CDK12: variants seen among roughly 807,000 people sequenced by gnomAD.
The protein encoded by CDK12 is cyclin dependent kinase 12, also known as cyclin-dependent kinase 12.
In CDK12, 17 loss-of-function variants were observed where a neutral mutation model predicts 133.8. The ratio of observed to expected loss-of-function variants is 0.13; its 90% CI spans 0.09 to 0.19. The LOEUF is 0.19. Ranked by LOEUF, CDK12 falls within the 10% of genes least tolerant of loss-of-function variation. The pLI, the probability that CDK12 is intolerant of heterozygous loss-of-function variation, is 1.00. For missense variants in CDK12, 1,508 were observed against 1,818.7 expected (o/e 0.83, Z 3.11); for synonymous variants, 694 against 683.6 (o/e 1.02, Z -0.24).
At position 39,471,097 on chromosome 17, in the gene CDK12, G is replaced by T; in HGVS notation, c.1265G>T (p.Gly422Val). Residue 422 changes from glycine to valine, a missense_variant, in exon 2 of 14, where the codon GGT (glycine) becomes GTT (valine). Transcript: ENST00000447079. ...AAKMDGKESK[G>V]SPVFLPRKEN... Reference sequence around the variant, plus strand: ...AAGATGGATGGAAAGGAGTCCAAGGGTTCACCTGTATTTTTGCCTAGAAAA... The same window carrying T: ...AAGATGGATGGAAAGGAGTCCAAGGTTTCACCTGTATTTTTGCCTAGAAAA... 2.5e-6 allele frequency: 4 copies of T among 1,610,856 alleles called. No individual in the cohort carries two copies. Among genetic ancestry groups the T allele is most frequent in the Non-Finnish European group, 8.5e-7 (1 of 1,179,158 alleles).
chr17:39,475,083 C>T (rs1348063362), intron 2 of CDK12, among the ~76,000 whole-genome samples: 1 of 151,996 alleles, frequency 6.6e-6, no homozygotes, highest in Non-Finnish European at 1.5e-5. Flanking sequence ...GATTCTCCCA[C>T]CTGGGCCTTC....
At chr17:39,567,205 C>G (rs922905526), downstream of CDK12, 4 of 152,174 alleles carry the variant, frequency 2.6e-5, no homozygotes, top group Non-Finnish European at 5.9e-5. Flanking sequence ...ACCACCTCCT[C>G]CTTTGATTCT....
chr17:39,515,911 T>G, intron 9 of CDK12, 103 bp downstream of exon 9: 2 of 707,110 alleles, frequency 2.8e-6, no homozygotes, highest in Non-Finnish European at 4.7e-6. Flanking sequence ...ATGTTTCTTA[T>G]GTCCAAGTAA....
intron 2 of CDK12, among the ~76,000 whole-genome samples, chr17:39,555,376 G>C (rs1361832556): frequency 6.6e-6 from 1 of 151,948 alleles, no homozygotes; most frequent in African/African-American, 2.4e-5. Flanking sequence ...TTCTTTCATT[G>C]CTGGCAGCTC....
chr17:39,484,838 T>C (rs1270439082), intron 2 of CDK12, among the ~76,000 whole-genome samples: 1 of 152,046 alleles, frequency 6.6e-6, no homozygotes, highest in Non-Finnish European at 1.5e-5. Flanking sequence ...GCTCATCCAG[T>C]ATAATGCAAA....
intron 2 of CDK12, among the ~76,000 whole-genome samples, chr17:39,481,934 C>T (rs1465516748): frequency 6.7e-6 from 1 of 150,352 alleles, no homozygotes; most frequent in Non-Finnish European, 1.5e-5. Flanking sequence ...GTTGGCCAGG[C>T]TGGTCTCAAA....
At chr17:39,481,344 T>G (rs1442991933) in intron 2 of CDK12, among the ~76,000 whole-genome samples, 2 of 151,106 alleles carry the variant, frequency 1.3e-5, no homozygotes, top group African/African-American at 4.8e-5. Flanking sequence ...TTTTTTTTTT[T>G]TGTGGCAGAA....
chr17:39,492,896 T>C lies in CDK12; in HGVS notation c.2248+6T>C. The C allele has an allele frequency of 6.3e-7, 1 of 1,590,694 alleles. No homozygotes were observed. Among genetic ancestry groups the C allele is most frequent in the Non-Finnish European group, 8.5e-7 (1 of 1,172,458 alleles). ...AGCCAAGGACAAAGACACAGGTAAATATTGCCACAAAATTTTAGATGTCAG... is the reference window on the plus strand; with the variant it reads ...AGCCAAGGACAAAGACACAGGTAAACATTGCCACAAAATTTTAGATGTCAG... On this transcript the variant is annotated splice_donor_region_variant and intron_variant, in intron 4 of 13. Transcript: ENST00000447079.
At position 39,462,871 on chromosome 17, in the gene CDK12, G is replaced by C. The variant is rs1210428400; in HGVS notation, c.800G>C (p.Gly267Ala). 1 of 1,613,996 alleles carries C rather than the reference G, an allele frequency of 6.2e-7. No individual in the cohort carries two copies. ...TATGACTCCTACAAGAAAAGTCCTG[G>C]AAGTACCTCGAGAAGGCAGTCGGTC... ...SNYDSYKKSP[G>A]STSRRQSVSP... The change falls in exon 1 of 14, where the codon GGA (glycine) becomes GCA (alanine). Residue 267 changes from glycine (G) to alanine (A), a missense_variant. Physicochemically the swap from Gly to Ala is moderately conservative, Grantham distance 60. Around this residue, in one of 9 missense-constraint regions of CDK12, gnomAD observed 460 missense variants for 490.8 expected, o/e 0.94. Coordinates refer to ENST00000447079, the MANE Select transcript of CDK12 (RefSeq NM_016507.4).
In CDK12 at chr17:39,462,893, G is replaced by A. The variant is rs952187632; in HGVS notation, c.822G>A (p.Ser274=). ...CTGGAAGTACCTCGAGAAGGCAGTC[G>A]GTCAGTCCCCCTTACAAGGAGCCTT... is the stretch of plus-strand genomic sequence containing the variant. ...KSPGSTSRRQ[S]VSPPYKEPSA... Residue 274 remains serine, a synonymous_variant, in exon 1 of 14, where the codon TCG becomes TCA. Coordinates refer to ENST00000447079, the MANE Select transcript of CDK12 (RefSeq NM_016507.4). The A allele has an allele frequency of 1.9e-6, 3 of 1,614,146 alleles. No individual in the cohort carries two copies. The highest frequency in any genetic ancestry group is 2.5e-6 in the Non-Finnish European group (3 of 1,180,022).
chr17:39,524,544 TGGTTA>T, intron 11 of CDK12, 125 bp from the exon 12 acceptor site: 1 of 727,542 alleles, frequency 1.4e-6, no homozygotes, highest in Admixed American at 2.8e-5. Flanking sequence ...CTAACTTTTT[TGGTTA>T]TTTTTGTTTT....
At chr17:39,470,431 AT>A (rs982341074) in intron 1 of CDK12, among the ~76,000 whole-genome samples, 1 of 152,114 alleles carries the variant, frequency 6.6e-6, no homozygotes, top group African/African-American at 2.4e-5. Context: ...AGTTTAATCT[AT>A]TTTTTAAATG....
At chr17:39,516,728 T>C (rs1366160014) in intron 9 of CDK12, among the ~76,000 whole-genome samples, 1 of 147,724 alleles carries the variant, frequency 6.8e-6, no homozygotes, top group Non-Finnish European at 1.5e-5. Context: ...AGTGGCGTGA[T>C]CTTGGCTCAC....
At position 39,488,530 on chromosome 17, in the gene CDK12, T is replaced by C. The variant is rs752804737; in HGVS notation, c.1932-2027T>C. On this transcript the variant is annotated intron_variant, in intron 2 of 13. Transcript: ENST00000447079. ...CTATATTTCTATTTTTTTGTAAATA[T>C]CTTCGGCAATTTATATTTTTTACAG... Among the ~76,000 whole-genome samples the C allele has an allele frequency of 4.4e-4, 67 of 152,282 alleles. 2 individuals are homozygous for C. The highest frequency in any genetic ancestry group is 2.1e-3 in the South Asian group (10 of 4,832).
At chr17:39,514,046 CAG>C (rs942311325) in intron 8 of CDK12, among the ~76,000 whole-genome samples, 1 of 151,506 alleles carries the variant, frequency 6.6e-6, no homozygotes, top group African/African-American at 2.4e-5. Context: ...ATGTTGAAAA[CAG>C]AATTAAATTT....
chr17:39,534,616 T>G, downstream of CDK12: 1 of 218,468 alleles, frequency 4.6e-6, no homozygotes, highest in Non-Finnish European at 9.2e-6. Context: ...ATAAAGGACG[T>G]TTTTCCTCCA....
chr17:39,492,500 C>G (rs1268151307), intron 3 of CDK12, among the ~76,000 whole-genome samples: 3 of 146,198 alleles, frequency 2.1e-5, no homozygotes, highest in Non-Finnish European at 4.5e-5. Flanking sequence ...TTCTGCCTCC[C>G]AGGTTCACGC....
chr17:39,500,894 T>C (rs1345183357), intron 5 of CDK12, among the ~76,000 whole-genome samples: 4 of 151,092 alleles, frequency 2.6e-5, no homozygotes, highest in Non-Finnish European at 5.9e-5. Flanking sequence ...GCCCAGCTAA[T>C]TTTTGTATTT....
chr17:39,497,468 G>C (rs759589275), intron 5 of CDK12, among the ~76,000 whole-genome samples: 236 of 151,830 alleles, frequency 1.6e-3, no homozygotes, highest in African/African-American at 5.4e-3. Context: ...GTTTGAACCC[G>C]GGAGGTAGAG....
Sources: gnomAD v4.1 joint callset for allele counts (sites outside exome capture counted in the v4.1 genomes callset) on GRCh38, gnomAD v4.1.1 for gene constraint, gnomAD v4.1.1 regional missense constraint, MANE v1.5 for transcripts, NCBI Gene and HGNC (gene_info 2026-07-23, HGNC 2026-07-21) for gene names.